RBFOX1: variants seen among roughly 807,000 people sequenced by gnomAD.
The protein encoded by RBFOX1 is RNA binding protein fox-1 homolog 1.
Under a neutral mutation model 57.7 loss-of-function variants are expected in RBFOX1, and 8 were observed. That is an observed-to-expected ratio of 0.14 (90% confidence interval 0.08 to 0.25). RBFOX1 has a LOEUF of 0.25. Among genes scored for constraint, RBFOX1 ranks in the 10% least tolerant of loss-of-function variants. RBFOX1 has a pLI of 1.00. For synonymous variants in RBFOX1, 326 were observed against 222.4 expected, an observed-to-expected ratio of 1.47 and a Z score of -4.15; for missense variants, 611 against 548.5, an observed-to-expected ratio of 1.11 and a Z score of -1.14.
chr16:6,619,512 G>C (rs1009408944), intron 2 of RBFOX1, among the ~76,000 whole-genome samples: 1 of 151,978 alleles, frequency 6.6e-6, no homozygotes, highest in Non-Finnish European at 1.5e-5. Flanking sequence ...TTTCTGCTTA[G>C]TTAGGAGAGG....
At chr16:6,353,313 A>G (rs1353986477) in intron 2 of RBFOX1, among the ~76,000 whole-genome samples, 4 of 151,888 alleles carry the variant, frequency 2.6e-5, no homozygotes, top group African/African-American at 4.8e-5. Context: ...CTTTAGCTCT[A>G]TGAGAGATTT....
chr16:7,091,547 C>T (rs957922191), intron 4 of RBFOX1, among the ~76,000 whole-genome samples: 10 of 151,808 alleles, frequency 6.6e-5, no homozygotes, highest in African/African-American at 9.7e-5. Context: ...AAGAAGAAAA[C>T]GAAAATGCAT....
At chr16:7,572,817 C>A (rs1012375855) in intron 5 of RBFOX1, among the ~76,000 whole-genome samples, 3 of 119,934 alleles carry the variant, frequency 2.5e-5, no homozygotes, top group Non-Finnish European at 5.6e-5. Flanking sequence ...CCAGCCTGGG[C>A]AACAGAGTGA....
chr16:6,003,609 A>G (rs1269807132), intron 4 of RBFOX1, among the ~76,000 whole-genome samples: 2 of 151,976 alleles, frequency 1.3e-5, no homozygotes, highest in Non-Finnish European at 2.9e-5. Context: ...CTTCCTGATC[A>G]CCTACATTGG....
chr16:7,209,451 T>C (rs1489529623), intron 4 of RBFOX1, among the ~76,000 whole-genome samples: 2 of 152,208 alleles, frequency 1.3e-5, no homozygotes, highest in South Asian at 2.1e-4. Context: ...AAGCCCCTGC[T>C]ATCATTTGGA....
chr16:7,652,150 G>A (rs1181795416), intron 11 of RBFOX1, among the ~76,000 whole-genome samples: 1 of 152,128 alleles, frequency 6.6e-6, no homozygotes, highest in Non-Finnish European at 1.5e-5. Context: ...TGGGACAAGT[G>A]TGGTCATTAT....
rs1407169390 is a variant in RBFOX1, at chr16:5,275,778, T to C, written c.219+35673T>C. Among the ~76,000 whole-genome samples, 3 of 152,302 alleles carry C rather than the reference T, an allele frequency of 2.0e-5. No individual in the cohort carries two copies. In the East Asian group the frequency reaches 5.8e-4, roughly 29 times the overall value. On this transcript the variant is annotated intron_variant, in intron 1 of 2. Coordinates refer to the RBFOX1 transcript ENST00000585867. ...ATCTAGAGGCATCACATTACCCAAC[T>C]TCAAACTATATTACAAGGCTATAGT...
intron 2 of RBFOX1, among the ~76,000 whole-genome samples, chr16:6,650,435 C>G (rs1164030120): frequency 2.0e-5 from 3 of 152,144 alleles, no homozygotes; most frequent in Non-Finnish European, 4.4e-5. Context: ...GGGATCACTT[C>G]TGGTTACAGA....
At chr16:7,537,164 G>C (rs974084465) in intron 5 of RBFOX1, among the ~76,000 whole-genome samples, 1 of 151,920 alleles carries the variant, frequency 6.6e-6, no homozygotes, top group Non-Finnish European at 1.5e-5. Flanking sequence ...AATGGTGTTG[G>C]GAAGTGGCAG....
chr16:5,368,831 A>G (rs1203375830), intron 1 of RBFOX1, among the ~76,000 whole-genome samples: 2 of 152,196 alleles, frequency 1.3e-5, no homozygotes, highest in African/African-American at 4.8e-5. Context: ...GAGACCTCCA[A>G]GCATGGCTGG....
chr16:5,869,777 T>G (rs1480092908), intron 4 of RBFOX1, among the ~76,000 whole-genome samples: 1 of 152,200 alleles, frequency 6.6e-6, no homozygotes, highest in Non-Finnish European at 1.5e-5. Flanking sequence ...AGTTCCTACA[T>G]AGGTGAAATA....
In RBFOX1 at chr16:5,745,091, C is replaced by T. The variant is rs555386726; in HGVS notation, c.319-122212C>T. Among the ~76,000 whole-genome samples the T allele has an allele frequency of 9.8e-5, 15 of 152,298 alleles. No individual in the cohort carries two copies. In the South Asian group the frequency reaches 3.1e-3, roughly 32 times the overall value. Reference sequence around the variant, plus strand: ...TATATCTCCCAGTGCTATCCCTCCCCCTTCCCCCACCTCATGACAGGCCCC... The same window carrying T: ...TATATCTCCCAGTGCTATCCCTCCCTCTTCCCCCACCTCATGACAGGCCCC... On this transcript the variant is annotated intron_variant, in intron 3 of 19. Coordinates refer to the RBFOX1 transcript ENST00000641259.
intron 1 of RBFOX1, among the ~76,000 whole-genome samples, chr16:6,059,411 A>G (rs574701731): frequency 6.6e-6 from 1 of 152,298 alleles, no homozygotes; most frequent in South Asian, 2.1e-4. Flanking sequence ...ATATTATTGC[A>G]CGCAATATAA....
At chr16:7,442,034 G>A (rs1240204817) in intron 4 of RBFOX1, among the ~76,000 whole-genome samples, 4 of 152,224 alleles carry the variant, frequency 2.6e-5, no homozygotes, top group Non-Finnish European at 5.9e-5. Flanking sequence ...AGTTCATGGG[G>A]AGAATGGGAT....
chr16:7,260,675 G>A (rs1347605841), intron 4 of RBFOX1, among the ~76,000 whole-genome samples: 1 of 151,400 alleles, frequency 6.6e-6, no homozygotes, highest in African/African-American at 2.4e-5. Flanking sequence ...TTTTTTTTAA[G>A]TTTCTCTAAT....
intron 3 of RBFOX1, among the ~76,000 whole-genome samples, chr16:6,872,823 G>A (rs1453674282): frequency 6.6e-6 from 1 of 152,136 alleles, no homozygotes; most frequent in African/African-American, 2.4e-5. Context: ...GTTAAATTCT[G>A]TTTGGGTCTT....
chr16:7,353,728 C>T (rs189638263), intron 4 of RBFOX1, among the ~76,000 whole-genome samples: 3 of 152,034 alleles, frequency 2.0e-5, no homozygotes, highest in South Asian at 2.1e-4. Flanking sequence ...TTGTATGATT[C>T]GATTTATATG....
At chr16:5,974,574 C>T (rs549331192) in intron 4 of RBFOX1, among the ~76,000 whole-genome samples, 1 of 152,216 alleles carries the variant, frequency 6.6e-6, no homozygotes, top group East Asian at 1.9e-4. Flanking sequence ...GGCACCATTG[C>T]ACTTGAGCCT....
intron 1 of RBFOX1, among the ~76,000 whole-genome samples, chr16:5,269,719 C>T (rs1596349106): frequency 6.6e-6 from 1 of 152,102 alleles, no homozygotes. Context: ...TATGAGGTTT[C>T]TTTTTGAGGT....
Sources: allele counts gnomAD v4.1 joint callset (sites outside exome capture counted in the v4.1 genomes callset), GRCh38; gene constraint gnomAD v4.1.1; transcripts MANE v1.5; gene names NCBI Gene and HGNC (gene_info 2026-07-23, HGNC 2026-07-21).